Variants in SASH1 observed in about 807,000 individuals in gnomAD.
The protein encoded by SASH1 is SAM and SH3 domain-containing protein 1.
In SASH1, 44 loss-of-function variants were observed where a neutral mutation model predicts 125.2. The observed-to-expected ratio is 0.35, with a 90% CI of 0.28 to 0.45. SASH1 has a LOEUF of 0.45. Among genes scored for constraint, SASH1 ranks in the 20% least tolerant of loss-of-function variants. The pLI, the probability that SASH1 is intolerant of heterozygous loss-of-function variation, is 1.00. For missense variants in SASH1, 1,426 were observed against 1,614.5 expected, an observed-to-expected ratio of 0.88 and a Z score of 2.00; for synonymous variants, 639 against 649.1, an observed-to-expected ratio of 0.98 and a Z score of 0.24.
chr6:148,203,968 C>T, the SASH1 span, among the ~76,000 whole-genome samples: 2 of 152,208 alleles, frequency 1.3e-5, no homozygotes, highest in East Asian at 3.8e-4. Context: ...AAACTGTTGG[C>T]AACTGAAGGT....
At chr6:148,492,870 AAATAAAATC>A in intron 8 of SASH1, among the ~76,000 whole-genome samples, 1 of 145,638 alleles carries the variant, frequency 6.9e-6, no homozygotes, top group Non-Finnish European at 1.5e-5. Flanking sequence ...ATAAATAAAT[AAATAAAATC>A]ACACTCGTGT....
Position 148,548,842 on chromosome 6 carries a change from G to T in SASH1, c.*284G>T. ...AAGAACCAAGATGCCAACTGGCTGCGAATGCTCTATCTCCAGTCTGTCTCT... is the reference window on the plus strand; with the variant it reads ...AAGAACCAAGATGCCAACTGGCTGCTAATGCTCTATCTCCAGTCTGTCTCT... On this transcript the variant is annotated 3_prime_UTR_variant, in exon 20 of 20. Coordinates refer to ENST00000367467, the MANE Select transcript of SASH1 (RefSeq NM_015278.5). 3.0e-6 allele frequency: 1 copy of T among 332,946 alleles called. No individual in the cohort carries two copies. The highest frequency in any genetic ancestry group is 6.0e-5 in the South Asian group (1 of 16,686). The allele number at this position is 332,946 out of a possible 1,614,324, so 20.6% of individuals were successfully genotyped here.
the SASH1 span, among the ~76,000 whole-genome samples, chr6:148,234,554 G>T: frequency 1.3e-4 from 20 of 152,002 alleles, no homozygotes; most frequent in Non-Finnish European, 2.9e-4. Flanking sequence ...GGCCGGGCGT[G>T]GTGGCTCACA....
At chr6:148,326,331 T>TATATATATATATATATATATATGC (rs1780801873) in intron 1 of SASH1, among the ~76,000 whole-genome samples, 1 of 62,780 alleles carries the variant, frequency 1.6e-5, no homozygotes, top group African/African-American at 6.9e-5. Context: ...TGCATATATA[T>TATATATATATATATATATATATGC]ATATATATAT....
chr6:148,313,422 A>G (rs1392321832), intron 1 of SASH1, among the ~76,000 whole-genome samples: 1 of 152,152 alleles, frequency 6.6e-6, no homozygotes, highest in Non-Finnish European at 1.5e-5. Context: ...ATATTTTTCC[A>G]TGTCCTGTGA....
chr6:148,265,336 G>A, the SASH1 span, among the ~76,000 whole-genome samples: 1 of 140,784 alleles, frequency 7.1e-6, no homozygotes, highest in African/African-American at 2.5e-5. Flanking sequence ...AGGGAAGGAG[G>A]GAGGGAAGGA....
intron 4 of SASH1, among the ~76,000 whole-genome samples, chr6:148,452,355 G>A (rs1314319792): frequency 2.6e-5 from 4 of 152,138 alleles, no homozygotes; most frequent in Non-Finnish European, 5.9e-5. Flanking sequence ...CAGCTCCCTC[G>A]TGGGCATGGT....
the SASH1 span, among the ~76,000 whole-genome samples, chr6:148,201,215 T>C: frequency 9.8e-5 from 15 of 152,340 alleles, no homozygotes; most frequent in African/African-American, 3.1e-4. Flanking sequence ...ATAATTAACA[T>C]GTATGGCAAA....
intron 2 of SASH1, among the ~76,000 whole-genome samples, chr6:148,394,683 T>C (rs972004577): frequency 9.9e-5 from 15 of 152,106 alleles, no homozygotes; most frequent in Non-Finnish European, 1.9e-4. Flanking sequence ...TCACTTTTGT[T>C]GCCCAGGCTG....
rs764725698 is a variant in SASH1 at position 148,343,194 on chromosome 6, C to G, written c.127C>G (p.Arg43Gly). ...PGAGTSEAFS[R>G]LWTDVMGILD... ...TGCTGGCACATCCGAGGCGTTCTCC[C>G]GACTCTGGACCGACGTGATGGGTAT... Residue 43 changes from arginine (R) to glycine (G), a missense_variant, in exon 1 of 20, where the codon CGA (arginine) becomes GGA (glycine). Arg to Gly is a moderately radical substitution (Grantham distance 125, BLOSUM62 -2). Coordinates refer to ENST00000367467, the MANE Select transcript of SASH1 (RefSeq NM_015278.5). The G allele has an allele frequency of 3.8e-6, 6 of 1,599,532 alleles. No homozygotes were observed. Among genetic ancestry groups the G allele is most frequent in the Admixed American group, 3.3e-5 (2 of 59,884 alleles).
At chr6:148,490,517 C>T (rs1473564806) in intron 8 of SASH1, among the ~76,000 whole-genome samples, 7 of 152,210 alleles carry the variant, frequency 4.6e-5, no homozygotes, top group Non-Finnish European at 1.0e-4. Context: ...CTCATACAAA[C>T]ATTGTAGGGT....
intron 1 of SASH1, among the ~76,000 whole-genome samples, chr6:148,356,468 A>T (rs948235950): frequency 2.1e-5 from 3 of 146,212 alleles, no homozygotes; most frequent in East Asian, 4.2e-4. Context: ...GGATTGCTGC[A>T]TCAAATGGTA....
At position 148,381,093 on chromosome 6, in the gene SASH1, C is replaced by T. The variant is rs569378776; in HGVS notation, c.157-9041C>T. Among the ~76,000 whole-genome samples the T allele has an allele frequency of 1.1e-4, 16 of 152,256 alleles. 1 individual carries two copies. The highest frequency in any genetic ancestry group is 3.9e-4 in the African/African-American group (16 of 41,540). The stretch of plus-strand genomic sequence containing the variant: ...CAGTTTCTTCATCATACGTGAAAAT[C>T]ACTGTGCTGTGCAGAGGTGCTAGCA... On this transcript the variant is annotated intron_variant, in intron 1 of 19. Coordinates refer to ENST00000367467, the MANE Select transcript of SASH1 (RefSeq NM_015278.5).
At chr6:148,374,654 T>G (rs1782819319) in intron 1 of SASH1, among the ~76,000 whole-genome samples, 1 of 151,780 alleles carries the variant, frequency 6.6e-6, no homozygotes, top group South Asian at 2.1e-4. Context: ...ATATTGTTCT[T>G]TTCAAACTTA....
chr6:148,428,105 G>A (rs1312541252), intron 2 of SASH1, among the ~76,000 whole-genome samples: 2 of 152,172 alleles, frequency 1.3e-5, no homozygotes, highest in African/African-American at 4.8e-5. Context: ...TGATCATGTT[G>A]TCTGTCTGTA....
chr6:148,353,474 T>G (rs748001769), intron 1 of SASH1, among the ~76,000 whole-genome samples: 101 of 140,194 alleles, frequency 7.2e-4, no homozygotes, highest in Non-Finnish European at 1.4e-3. Flanking sequence ...TCTTGCTGTC[T>G]CCCACGCTGG....
In SASH1 at chr6:148,532,211, G is replaced by T. The variant is rs999607133; in HGVS notation, c.1564+550G>T. Among the ~76,000 whole-genome samples the T allele has an allele frequency of 6.6e-6, 1 of 152,074 alleles. No homozygotes were observed. The highest frequency in any genetic ancestry group is 1.5e-5 in the Non-Finnish European group (1 of 68,028). On this transcript the variant is annotated intron_variant, in intron 13 of 19. Transcript: ENST00000367467. This position sits in a 1 kb window ranked among gnomAD's most constrained non-coding sequence, Gnocchi z 4.7. Reference sequence around the variant, plus strand: ...TCCTGCCTCAGCCTTCCGCATAGCTGTACTACAGGGTCATGCCACCACACC... The same window carrying T: ...TCCTGCCTCAGCCTTCCGCATAGCTTTACTACAGGGTCATGCCACCACACC...
chr6:148,295,662 A>G (rs1466560621), intron 1 of SASH1, among the ~76,000 whole-genome samples: 1 of 152,216 alleles, frequency 6.6e-6, no homozygotes, highest in East Asian at 1.9e-4. Context: ...ATTCAGTTTA[A>G]GCTGATGGCG....
intron 2 of SASH1, among the ~76,000 whole-genome samples, chr6:148,402,332 T>G (rs902139747): frequency 2.0e-5 from 3 of 152,158 alleles, no homozygotes; most frequent in African/African-American, 7.2e-5. Context: ...TTTTTTTGTT[T>G]AAGAGTCTTG....
Sources: gnomAD v4.1 joint callset for allele counts (sites outside exome capture counted in the v4.1 genomes callset) on GRCh38, gnomAD v4.1.1 for gene constraint, Gnocchi (gnomAD v3.1) non-coding constraint, MANE v1.5 for transcripts, NCBI Gene and HGNC (gene_info 2026-07-23, HGNC 2026-07-21) for gene names.